Variants in GIPC2 observed in about 807,000 individuals in gnomAD.
GIPC2 encodes PDZ domain-containing protein GIPC2.
GIPC2 carries 30 observed loss-of-function variants against 30.6 expected under a neutral mutation model. That is an observed-to-expected ratio of 0.98 (90% CI 0.73 to 1.33). The LOEUF (loss-of-function observed/expected upper bound fraction) is 1.33. GIPC2 is among the 40% of genes most tolerant of loss of function. The pLI, the probability that GIPC2 is intolerant of heterozygous loss-of-function variation, is 0.00. For synonymous variants in GIPC2, 167 were observed against 150.0 expected, an observed-to-expected ratio of 1.11 and a Z score of -0.83; for missense variants, 414 against 390.3, an observed-to-expected ratio of 1.06 and a Z score of -0.51.
intron 3 of GIPC2, among the ~76,000 whole-genome samples, chr1:78,103,430 A>G (rs1467600254): frequency 1.3e-5 from 2 of 152,184 alleles, no homozygotes; most frequent in Non-Finnish European, 2.9e-5. Flanking sequence ...GAGTTAATGT[A>G]TGTATGTGCT....
intron 1 of GIPC2, among the ~76,000 whole-genome samples, chr1:78,052,310 G>A (rs1324511551): frequency 6.6e-6 from 1 of 152,078 alleles, no homozygotes; most frequent in Non-Finnish European, 1.5e-5. Flanking sequence ...TTTATGGTCT[G>A]CCCCCTTGCC....
chr1:78,112,485 G>T (rs1380028168), intron 3 of GIPC2: 1 of 518,892 alleles, frequency 1.9e-6, no homozygotes, highest in African/African-American at 1.9e-5. Flanking sequence ...CCCACTTCAT[G>T]TTGAAATTAT....
chr1:78,061,521 G>A (rs1299364279), intron 1 of GIPC2, among the ~76,000 whole-genome samples: 11 of 151,326 alleles, frequency 7.3e-5, no homozygotes, highest in Non-Finnish European at 1.6e-4. Flanking sequence ...TTGTTTTTGC[G>A]ATGGAGTTTC....
chr1:78,056,769 A>G (rs964713659), intron 1 of GIPC2, among the ~76,000 whole-genome samples: 4 of 152,234 alleles, frequency 2.6e-5, no homozygotes, highest in Admixed American at 2.0e-4. Flanking sequence ...TGCACCCAAG[A>G]GTAACAACCA....
chr1:78,090,670 AC>A (rs1311051171), intron 2 of GIPC2, among the ~76,000 whole-genome samples: 10 of 152,214 alleles, frequency 6.6e-5, no homozygotes, highest in African/African-American at 2.4e-4. Flanking sequence ...GATTTGCCAT[AC>A]TTTTGCTTTA....
chr1:78,046,452 G>T, intron 1 of GIPC2, 118 bp downstream of exon 1: 2 of 906,662 alleles, frequency 2.2e-6, no homozygotes, highest in Non-Finnish European at 1.7e-6. Context: ...ATCCGATGCC[G>T]TGTTGAGTCC....
chr1:78,128,325 G>A lies in GIPC2; in HGVS notation c.796+2363G>A, dbSNP rs146418624. 1.5e-3 allele frequency among the ~76,000 whole-genome samples: 223 copies of A among 152,298 alleles called. 2 individuals carry two copies. The highest frequency in any genetic ancestry group is 5.1e-3 in the African/African-American group (211 of 41,560). ...GGAATTACTGGCATTGAGCCGCTAA[G>A]CCCAGCCTCAGTCTCCTGTTTTGAA... is the stretch of plus-strand genomic sequence containing the variant. On this transcript the variant is annotated intron_variant, in intron 5 of 5. Coordinates refer to ENST00000370759, the MANE Select transcript of GIPC2 (RefSeq NM_017655.6).
rs1034845571 is a variant in GIPC2, at chr1:78,136,894, T to C, written c.*1151T>C. Reference sequence around the variant, plus strand: ...TCATTTAATACAGCAGAGCATGGCATGACCAAGCATCTTTGTAAAGTGTTA... The same window carrying C: ...TCATTTAATACAGCAGAGCATGGCACGACCAAGCATCTTTGTAAAGTGTTA... On this transcript the variant is annotated 3_prime_UTR_variant, in exon 6 of 6. Coordinates refer to ENST00000370759, the MANE Select transcript of GIPC2 (RefSeq NM_017655.6). 6.6e-6 allele frequency: 1 copy of C among 152,180 alleles called. No individual in the cohort carries two copies. The highest frequency in any genetic ancestry group is 1.5e-5 in the Non-Finnish European group (1 of 67,992). 9.4% of individuals were successfully genotyped at this position (152,180 alleles called of 1,614,324 possible).
chr1:78,112,482 C>A lies in GIPC2; in HGVS notation c.608-6911C>A, dbSNP rs1452927505. The A allele has an allele frequency of 5.8e-6, 3 of 518,926 alleles. No homozygotes were observed. In the Admixed American group the frequency reaches 5.8e-5, roughly 10 times the overall value. 32.1% of individuals were successfully genotyped at this position (518,926 alleles called of 1,614,324 possible). On this transcript the variant is annotated intron_variant, in intron 3 of 5. Coordinates refer to ENST00000370759, the MANE Select transcript of GIPC2 (RefSeq NM_017655.6). ...CAGCAGTGTCCATCTGTGCCCACTT[C>A]ATGTTGAAATTATGGTCTCTGCCCA...
intron 1 of GIPC2, among the ~76,000 whole-genome samples, chr1:78,066,730 C>T (rs78908003): frequency 6.6e-6 from 1 of 152,172 alleles, no homozygotes; most frequent in Non-Finnish European, 1.5e-5. Flanking sequence ...ATGCCCTTTG[C>T]AGGAATGTGG....
Position 78,046,058 on chromosome 1 carries a change from G to T in GIPC2, c.-37G>T. ...GCGCCGGGGGGAGGAGGCGGCGGAC[G>T]GCAGCGCAGGTGGGCCCGCGCTCTC... On this transcript the variant is annotated 5_prime_UTR_variant, in exon 1 of 6. Transcript: ENST00000370759. The T allele has an allele frequency of 7.1e-7, 1 of 1,401,832 alleles. No individual in the cohort carries two copies. The highest frequency in any genetic ancestry group is 9.3e-7 in the Non-Finnish European group (1 of 1,080,466). The allele number at this position is 1,401,832 out of a possible 1,614,324, so 86.8% of individuals were successfully genotyped here.
intron 3 of GIPC2, among the ~76,000 whole-genome samples, chr1:78,118,381 A>G (rs1242074053): frequency 7.6e-6 from 1 of 132,366 alleles, no homozygotes; most frequent in Non-Finnish European, 1.5e-5. Context: ...CTGGCTATGC[A>G]GGGCTTATAT....
intron 1 of GIPC2, among the ~76,000 whole-genome samples, chr1:78,052,280 T>C (rs1168466263): frequency 4.6e-5 from 7 of 152,220 alleles, no homozygotes; most frequent in African/African-American, 1.4e-4. Context: ...TACTATCCTA[T>C]GTATATTTAA....
intron 4 of GIPC2, among the ~76,000 whole-genome samples, chr1:78,124,346 A>G (rs1051397944): frequency 6.6e-6 from 1 of 152,184 alleles, no homozygotes; most frequent in Non-Finnish European, 1.5e-5. Context: ...ATTCTTATAA[A>G]ATTTCCTTTT....
Position 78,134,561 on chromosome 1 carries a change from AC to A in GIPC2, c.797-1026del, listed in dbSNP as rs576673714. Among the ~76,000 whole-genome samples, 3 of 151,518 alleles carry A rather than the reference AC, an allele frequency of 2.0e-5. No homozygotes were observed. In the South Asian group the frequency reaches 6.3e-4, roughly 32 times the overall value. ...TTTGATCCCTCTACTAGTTCACTGC[AC>A]CCCCACCCTACTTCTGCTCTGATCC... On this transcript the variant is annotated intron_variant, in intron 5 of 5. Coordinates refer to ENST00000370759, the MANE Select transcript of GIPC2 (RefSeq NM_017655.6).
At chr1:78,107,962 C>T (rs1246988272) in intron 3 of GIPC2, among the ~76,000 whole-genome samples, 1 of 150,532 alleles carries the variant, frequency 6.6e-6, no homozygotes, top group Non-Finnish European at 1.5e-5. Context: ...ATAAATAGTT[C>T]CATGTGAGAA....
chr1:78,121,390 T>A (rs550372278), intron 4 of GIPC2, among the ~76,000 whole-genome samples: 1 of 152,120 alleles, frequency 6.6e-6, no homozygotes, highest in Non-Finnish European at 1.5e-5. Context: ...GGTTCCTATG[T>A]GTTTGAAGGG....
At chr1:78,099,969 C>T (rs536694454) in intron 3 of GIPC2, among the ~76,000 whole-genome samples, 49 of 152,222 alleles carry the variant, frequency 3.2e-4, no homozygotes, top group African/African-American at 1.1e-3. Context: ...CAGTAGAGAA[C>T]AAATATATCA....
rs1663002017 is a variant in GIPC2 at position 78,136,271 on chromosome 1, T to C, written c.*528T>C. 6.6e-6 allele frequency: 1 copy of C among 152,162 alleles called. No homozygotes were observed. The highest frequency in any genetic ancestry group is 1.5e-5 in the Non-Finnish European group (1 of 68,028). The allele number at this position is 152,162 out of a possible 1,614,324, so 9.4% of individuals were successfully genotyped here. The stretch of plus-strand genomic sequence containing the variant: ...GATCCTCTGAGTAAGGGAAGGAAGA[T>C]TCCTGTGGCATGTTGATTTCTATGG... On this transcript the variant is annotated 3_prime_UTR_variant, in exon 6 of 6. Transcript: ENST00000370759.
Sources: allele counts gnomAD v4.1 joint callset (sites outside exome capture counted in the v4.1 genomes callset), GRCh38; gene constraint gnomAD v4.1.1; transcripts MANE v1.5; gene names NCBI Gene and HGNC (gene_info 2026-07-23, HGNC 2026-07-21).